The following PRSS54 variants were observed in gnomAD, a reference collection of about 807,000 sequenced individuals.
The protein encoded by PRSS54 is serine protease 54, also known as inactive serine protease 54.
Under a neutral mutation model 19.9 loss-of-function variants are expected in PRSS54, and 16 were observed. The ratio of observed to expected loss-of-function variants is 0.80; its 90% confidence interval spans 0.54 to 1.22. PRSS54 has a LOEUF of 1.22. PRSS54 is among the 50% of genes most tolerant of loss of function. The pLI is 0.00. For missense variants in PRSS54, 444 were observed against 494.8 expected (o/e 0.90, Z 0.97); for synonymous variants, 177 against 195.8 (o/e 0.90, Z 0.80).
intron 6 of PRSS54, among the ~76,000 whole-genome samples, chr16:58,284,198 C>T (rs1477282946): frequency 1.3e-5 from 2 of 152,086 alleles, no homozygotes; most frequent in Non-Finnish European, 2.9e-5. Flanking sequence ...CAGGGCTTCT[C>T]AGAGAAGAAA....
chr16:58,293,442 G>A, intron 3 of PRSS54: 1 of 588,594 alleles, frequency 1.7e-6, no homozygotes, highest in Non-Finnish European at 2.1e-6. Flanking sequence ...GCAGGGGCTG[G>A]GAGTGAAGAG....
At chr16:58,288,145 G>T (rs965988759) in intron 4 of PRSS54, among the ~76,000 whole-genome samples, 3 of 152,182 alleles carry the variant, frequency 2.0e-5, no homozygotes, top group African/African-American at 7.2e-5. Flanking sequence ...CTCTGTCTTG[G>T]CCATGCATGA....
intron 6 of PRSS54, chr16:58,282,354 T>A (rs970511330): frequency 2.0e-5 from 3 of 152,334 alleles, no homozygotes; most frequent in African/African-American, 7.2e-5. Flanking sequence ...TTGGCCAGGC[T>A]GGTCTTAATC....
chr16:58,294,030 C>T lies in PRSS54; in HGVS notation c.-52G>A, dbSNP rs1409318188. On this transcript the variant is annotated 5_prime_UTR_variant, in exon 2 of 7. Transcript: ENST00000567164. ...GGTTCTGTGTGGTAAAGAGGCAGGA[C>T]CAGTTGGCCCGCACTGTGGTTTGTG... is the stretch of plus-strand genomic sequence containing the variant. 2 of 573,186 alleles carry T rather than the reference C, an allele frequency of 3.5e-6. No individual in the cohort carries two copies. The highest frequency in any genetic ancestry group is 6.3e-6 in the Non-Finnish European group (2 of 319,326). The allele number at this position is 573,186 out of a possible 1,614,324, so 35.5% of individuals were successfully genotyped here.
chr16:58,285,744 A>AAAAAAAAAAG (rs146167626), intron 5 of PRSS54, among the ~76,000 whole-genome samples, 193 bp downstream of exon 5: 23 of 77,364 alleles, frequency 3.0e-4, no homozygotes, highest in African/African-American at 1.6e-3. Flanking sequence ...AAAAAAAAAA[A>AAAAAAAAAAG]AAGAAGAAGA....
intron 6 of PRSS54, 137 bp from the exon 7 acceptor site, chr16:58,280,894 A>G: frequency 1.3e-6 from 1 of 773,472 alleles, no homozygotes; most frequent in South Asian, 2.2e-5. Flanking sequence ...TATAGGATAC[A>G]ATTTCAAATC....
At chr16:58,284,370 T>G in intron 6 of PRSS54, 1 of 494,074 alleles carries the variant, frequency 2.0e-6, no homozygotes, top group South Asian at 2.6e-5. Context: ...TTAGACAAGC[T>G]TCATCATGTT....
chr16:58,288,418 T>A (rs550423097), intron 4 of PRSS54, among the ~76,000 whole-genome samples: 11 of 148,984 alleles, frequency 7.4e-5, no homozygotes, highest in Admixed American at 6.7e-4. Flanking sequence ...AGAGCAAGAT[T>A]GTCTCAAAAA....
rs1461214340 is a variant in PRSS54, at chr16:58,287,277, G to A, written c.264-1082C>T. ...CATAGTTCTGGTCAGGTCCCAACAG[G>A]AAATAAATGTTCTACTCAAATAAGA... On this transcript the variant is annotated intron_variant, in intron 4 of 6. Coordinates refer to ENST00000567164, the MANE Select transcript of PRSS54 (RefSeq NM_001305173.2). Among the ~76,000 whole-genome samples the A allele has an allele frequency of 2.0e-5, 3 of 152,248 alleles. No homozygotes were observed. In the East Asian group the frequency reaches 5.8e-4, roughly 29 times the overall value.
intron 1 of PRSS54, among the ~76,000 whole-genome samples, 173 bp from the exon 2 acceptor site, chr16:58,294,382 C>T (rs1367672998): frequency 6.6e-6 from 1 of 152,048 alleles, no homozygotes; most frequent in African/African-American, 2.4e-5. Flanking sequence ...GACTGAGTCT[C>T]GCTCCCTTGG....
Position 58,280,526 on chromosome 16 carries a change from T to C in PRSS54, c.886A>G (p.Met296Val). Residue 296 changes from methionine (M) to valine (V), a missense_variant, in exon 7 of 7, where the codon ATG becomes GTG. By Grantham distance (21) the Met-to-Val change is conservative. Coordinates refer to ENST00000567164, the MANE Select transcript of PRSS54 (RefSeq NM_001305173.2). ...SFSHHGPNAT[M>V]TQKTYSDSEL... ...GAATCAGAATATGTCTTCTGTGTCATGGTGGCATTTGGTCCATGGTGGGAG... is the reference window on the plus strand; with the variant it reads ...GAATCAGAATATGTCTTCTGTGTCACGGTGGCATTTGGTCCATGGTGGGAG... The C allele has an allele frequency of 3.1e-6, 5 of 1,614,180 alleles. No individual in the cohort carries two copies. Among genetic ancestry groups the C allele is most frequent in the African/African-American group, 1.3e-5 (1 of 75,048 alleles).
At position 58,280,293 on chromosome 16, in the gene PRSS54, G is replaced by C; in HGVS notation, c.1119C>G (p.Asn373Lys). Residue 373 changes from asparagine to lysine, a missense_variant, in exon 7 of 7, where the codon AAC becomes AAG. By Grantham distance (94) the Asn-to-Lys change is moderately conservative. Coordinates refer to ENST00000567164, the MANE Select transcript of PRSS54 (RefSeq NM_001305173.2). The part of the protein sequence containing the change: ...VGEGRIFAGQ[N>K]RLYQPEEIIL... ...TGATTTCTTCGGGCTGATACAACCT[G>C]TTCTGACCTGCAAAAATCCTACCTT... The C allele has an allele frequency of 1.2e-6, 2 of 1,614,026 alleles. No individual in the cohort carries two copies. Among genetic ancestry groups the C allele is most frequent in the Non-Finnish European group, 1.7e-6 (2 of 1,180,002 alleles).
Position 58,280,513 on chromosome 16 carries a change from G to T in PRSS54, c.899C>A (p.Thr300Lys). ...HGPNATMTQK[T>K]YSDSELGHVG... The stretch of plus-strand genomic sequence containing the variant: ...ATGGCCCAGTTCAGAATCAGAATAT[G>T]TCTTCTGTGTCATGGTGGCATTTGG... Residue 300 changes from threonine (T) to lysine (K), a missense_variant, in exon 7 of 7, where the codon ACA becomes AAA. Thr to Lys is a moderately conservative substitution (Grantham distance 78). Coordinates refer to ENST00000567164, the MANE Select transcript of PRSS54 (RefSeq NM_001305173.2). 6.2e-7 allele frequency: 1 copy of T among 1,614,190 alleles called. No homozygotes were observed. Among genetic ancestry groups the T allele is most frequent in the South Asian group, 1.1e-5 (1 of 91,084 alleles).
In PRSS54 at chr16:58,290,951, G is replaced by A. The variant is rs1965024237; in HGVS notation, c.263+8C>T. The A allele has an allele frequency of 1.2e-6, 2 of 1,613,990 alleles. No homozygotes were observed. On this transcript the variant is annotated splice_region_variant and intron_variant, in intron 4 of 6. Coordinates refer to ENST00000567164, the MANE Select transcript of PRSS54 (RefSeq NM_001305173.2). The stretch of plus-strand genomic sequence containing the variant: ...GATGTTGCGGGCCCCAAAGGCAGGG[G>A]CACTGGCCTGTTCTGAATGGCGGAT...
At chr16:58,285,723 CAAAAA>C (rs1178010291) in intron 5 of PRSS54, among the ~76,000 whole-genome samples, 8 of 78,826 alleles carry the variant, frequency 1.0e-4, no homozygotes, top group East Asian at 4.4e-4. Context: ...GACCCTGTCT[CAAAAA>C]AAAAAAAAAA....
Position 58,280,450 on chromosome 16 carries a change from G to A in PRSS54, c.962C>T (p.Thr321Met), listed in dbSNP as rs761249665. The A allele has an allele frequency of 9.3e-6, 15 of 1,613,954 alleles. No individual in the cohort carries two copies. Among genetic ancestry groups the A allele is most frequent in the East Asian group, 4.5e-5 (2 of 44,894 alleles). ...AGAGCTGTTTCCTAGTCGTGAATGC[G>A]TGATGGTCCTTCTTTGTCCCTGCAA... ...SYLQGQRRTI[T>M]HSRLGNSSRD... is the part of the protein sequence containing the mutation. The change falls in exon 7 of 7, where the codon ACG becomes ATG. Residue 321 changes from threonine to methionine, a missense_variant. Thr to Met is a moderately conservative substitution (Grantham distance 81). Transcript: ENST00000567164.
Position 58,280,452 on chromosome 16 carries a change from G to A in PRSS54, c.960C>T (p.Ile320=). 1 of 1,614,122 alleles carries A rather than the reference G, an allele frequency of 6.2e-7. No homozygotes were observed. The highest frequency in any genetic ancestry group is 8.5e-7 in the Non-Finnish European group (1 of 1,180,010). ...AGCTGTTTCCTAGTCGTGAATGCGTGATGGTCCTTCTTTGTCCCTGCAAGT... is the reference window on the plus strand; with the variant it reads ...AGCTGTTTCCTAGTCGTGAATGCGTAATGGTCCTTCTTTGTCCCTGCAAGT... ...GSYLQGQRRT[I]THSRLGNSSR... is the part of the protein sequence containing the mutation. The change falls in exon 7 of 7, where the codon ATC becomes ATT. Residue 320 remains isoleucine, a synonymous_variant. Transcript: ENST00000567164.
At chr16:58,285,744 A>AAAAAAAAAAAAAAAAAAAAGAAG (rs146167626) in intron 5 of PRSS54, among the ~76,000 whole-genome samples, 193 bp downstream of exon 5, 3 of 77,350 alleles carry the variant, frequency 3.9e-5, no homozygotes, top group African/African-American at 1.4e-4. Context: ...AAAAAAAAAA[A>AAAAAAAAAAAAAAAAAAAAGAAG]AAGAAGAAGA....
chr16:58,282,087 CA>C (rs1401851546), intron 6 of PRSS54: 2 of 150,902 alleles, frequency 1.3e-5, no homozygotes, highest in African/African-American at 4.9e-5. Flanking sequence ...CGGCTCGCTG[CA>C]ACCTCCTCCT....
Sources: allele counts gnomAD v4.1 joint callset (sites outside exome capture counted in the v4.1 genomes callset), GRCh38; gene constraint gnomAD v4.1.1; transcripts MANE v1.5; gene names NCBI Gene and HGNC (gene_info 2026-07-23, HGNC 2026-07-21).